The following NAV3 variants were observed in gnomAD, a reference collection of about 807,000 sequenced individuals.
NAV3 encodes neuron navigator 3, also known as pore membrane and/or filament interacting like protein 1.
A neutral mutation model predicts 244.7 loss-of-function variants in NAV3; 87 were observed. The observed-to-expected ratio is 0.36, with a 90% CI of 0.30 to 0.42. NAV3 has a LOEUF of 0.42. Among genes scored for constraint, NAV3 ranks in the 20% least tolerant of loss-of-function variants. The probability of loss-of-function intolerance (pLI) is 1.00; values close to 1 mark genes in which losing one functional copy is unlikely to be tolerated. For missense variants in NAV3, 2,663 were observed against 2,893.3 expected (o/e 0.92, Z 1.83); for synonymous variants, 1,126 against 1,042.2 (o/e 1.08, Z -1.55).
intron 12 of NAV3, among the ~76,000 whole-genome samples, chr12:78,097,079 G>T (rs1189162002): frequency 2.0e-5 from 3 of 152,200 alleles, no homozygotes; most frequent in Non-Finnish European, 4.4e-5. Flanking sequence ...AGAGACCAGG[G>T]TGTGGGAAGT....
chr12:78,096,978 G>A (rs1954286400), intron 12 of NAV3, among the ~76,000 whole-genome samples: 1 of 152,122 alleles, frequency 6.6e-6, no homozygotes, highest in African/African-American at 2.4e-5. Flanking sequence ...GTGAGAGATG[G>A]TCCAGATTAG....
At chr12:78,154,737 T>C (rs1957233324) in intron 22 of NAV3, among the ~76,000 whole-genome samples, 1 of 151,906 alleles carries the variant, frequency 6.6e-6, no homozygotes, top group African/African-American at 2.4e-5. Flanking sequence ...CAGAACCAAA[T>C]AAACTGTCAT....
intron 3 of NAV3, among the ~76,000 whole-genome samples, chr12:77,963,569 A>T: frequency 6.6e-6 from 1 of 152,194 alleles, no homozygotes; most frequent in Non-Finnish European, 1.5e-5. Flanking sequence ...TGTTAATTTT[A>T]ACAATAAATG....
chr12:77,987,630 C>A (rs1277640226), intron 5 of NAV3, among the ~76,000 whole-genome samples: 1 of 152,036 alleles, frequency 6.6e-6, no homozygotes, highest in Non-Finnish European at 1.5e-5. Context: ...CACATACCAG[C>A]CCCATTATAG....
rs369472836 is a variant in NAV3, at chr12:77,851,819, G to A, written c.243+20115G>A. Among the ~76,000 whole-genome samples the A allele has an allele frequency of 1.7e-3, 259 of 152,288 alleles. 3 individuals carry two copies. In the South Asian group the frequency reaches 0.017, roughly 10 times the overall value. ...AGTGTCTATATTACTGTAACTTCATGAAAGACTACTAACAATACTGGCTAT... is the reference window on the plus strand; with the variant it reads ...AGTGTCTATATTACTGTAACTTCATAAAAGACTACTAACAATACTGGCTAT... On this transcript the variant is annotated intron_variant, in intron 1 of 39. Coordinates refer to ENST00000397909, the MANE Select transcript of NAV3 (RefSeq NM_001024383.2).
chr12:78,048,748 G>A (rs951952857), intron 9 of NAV3, among the ~76,000 whole-genome samples: 1 of 152,210 alleles, frequency 6.6e-6, no homozygotes, highest in South Asian at 2.1e-4. Context: ...AGAACACTGT[G>A]CTCGGAGATC....
rs924494274 is a variant in NAV3, at chr12:78,212,338, G to C, written c.*1821G>C. The C allele has an allele frequency of 6.6e-6, 1 of 152,588 alleles. No homozygotes were observed. Among genetic ancestry groups the C allele is most frequent in the South Asian group, 2.1e-4 (1 of 4,830 alleles). 9.5% of individuals were successfully genotyped at this position (152,588 alleles called of 1,614,324 possible). ...GTGTGTGAAAATGTGTTACTTTTAG[G>C]ACGTGTATTTGGTGCTACTCTCTGT... On this transcript the variant is annotated 3_prime_UTR_variant, in exon 40 of 40. Coordinates refer to ENST00000397909, the MANE Select transcript of NAV3 (RefSeq NM_001024383.2).
intron 2 of NAV3, among the ~76,000 whole-genome samples, chr12:77,805,135 T>A (rs1467878750): frequency 6.6e-6 from 1 of 152,228 alleles, no homozygotes; most frequent in Non-Finnish European, 1.5e-5. Flanking sequence ...TGACTTCCTC[T>A]TTTCCTACTT....
At chr12:77,665,659 G>A (rs1223077547) in intron 2 of NAV3, among the ~76,000 whole-genome samples, 1 of 151,936 alleles carries the variant, frequency 6.6e-6, no homozygotes, top group Admixed American at 6.6e-5. Flanking sequence ...CTTTATACCA[G>A]GCTTAAAGCA....
In NAV3 at chr12:78,058,982, A is replaced by G; in HGVS notation, c.2517-14A>G. 1.3e-6 allele frequency: 2 copies of G among 1,581,218 alleles called. No individual in the cohort carries two copies. Among genetic ancestry groups the G allele is most frequent in the Non-Finnish European group, 1.7e-6 (2 of 1,166,220 alleles). ...ATTTAGTTTTCTGTGAATTAATTAG[A>G]CATTTCTTTTCAGGTACATGACAGA... is the stretch of plus-strand genomic sequence containing the variant. On this transcript the variant is annotated splice_polypyrimidine_tract_variant and intron_variant, in intron 11 of 39. Transcript: ENST00000397909.
In NAV3 at chr12:78,158,484, A is replaced by T. The variant is rs572022959; in HGVS notation, c.4786-719A>T. Among the ~76,000 whole-genome samples, 8 of 152,270 alleles carry T rather than the reference A, an allele frequency of 5.3e-5. No individual in the cohort carries two copies. The East Asian group carries it at 1.5e-3, about 29-fold the overall frequency. On this transcript the variant is annotated intron_variant, in intron 22 of 39. Coordinates refer to ENST00000397909, the MANE Select transcript of NAV3 (RefSeq NM_001024383.2). ...CTTAAGAGTTATAGTTATGTACTACAATATGTATAATTCTCTAATATTTAA... is the reference window on the plus strand; with the variant it reads ...CTTAAGAGTTATAGTTATGTACTACTATATGTATAATTCTCTAATATTTAA...
chr12:77,964,888 T>C (rs1372862056), intron 3 of NAV3, among the ~76,000 whole-genome samples: 1 of 152,172 alleles, frequency 6.6e-6, no homozygotes, highest in African/African-American at 2.4e-5. Flanking sequence ...TCAATTTTTG[T>C]ATAAAATTAC....
intron 1 of NAV3, among the ~76,000 whole-genome samples, chr12:77,857,904 G>T (rs1878637674): frequency 6.6e-6 from 1 of 151,796 alleles, no homozygotes; most frequent in Admixed American, 6.6e-5. Context: ...TTATTGTTTT[G>T]TTTGCATATT....
intron 8 of NAV3, among the ~76,000 whole-genome samples, chr12:78,013,666 G>T: frequency 6.6e-6 from 1 of 152,084 alleles, no homozygotes; most frequent in East Asian, 1.9e-4. Flanking sequence ...ATGCACATGA[G>T]CATGTGTGTG....
chr12:78,067,408 A>G (rs969850378), intron 12 of NAV3, among the ~76,000 whole-genome samples: 3 of 152,052 alleles, frequency 2.0e-5, no homozygotes, highest in Non-Finnish European at 4.4e-5. Flanking sequence ...AGGGACGTGG[A>G]AAAACTGTTA....
intron 2 of NAV3, among the ~76,000 whole-genome samples, chr12:77,622,381 G>A (rs902883589): frequency 1.6e-4 from 24 of 151,802 alleles, no homozygotes; most frequent in African/African-American, 3.1e-4. Context: ...GGATGGTCTC[G>A]ATCTCCTGAC....
chr12:78,041,553 C>T (rs1359583498), intron 9 of NAV3, among the ~76,000 whole-genome samples: 4 of 152,168 alleles, frequency 2.6e-5, no homozygotes, highest in African/African-American at 4.8e-5. Flanking sequence ...CAAATTTTTG[C>T]TTATCCCCCA....
chr12:77,708,074 T>C (rs1875917726), intron 2 of NAV3, among the ~76,000 whole-genome samples: 2 of 152,344 alleles, frequency 1.3e-5, no homozygotes, highest in South Asian at 4.1e-4. Flanking sequence ...TAGATCCCAT[T>C]TCTCAATTTT....
intron 2 of NAV3, among the ~76,000 whole-genome samples, chr12:77,696,889 T>A (rs1875329963): frequency 6.6e-6 from 1 of 152,282 alleles, no homozygotes; most frequent in East Asian, 1.9e-4. Context: ...CATTTACTAA[T>A]TATTTCCATC....
Sources: allele counts gnomAD v4.1 joint callset (sites outside exome capture counted in the v4.1 genomes callset), GRCh38; gene constraint gnomAD v4.1.1; transcripts MANE v1.5; gene names NCBI Gene and HGNC (gene_info 2026-07-23, HGNC 2026-07-21).